The following NDC80 variants were observed in gnomAD, a reference collection of about 807,000 sequenced individuals.
The protein encoded by NDC80 is kinetochore protein NDC80 homolog.
A neutral mutation model predicts 89.3 loss-of-function variants in NDC80; 69 were observed. The observed-to-expected ratio is 0.77, with a 90% CI of 0.64 to 0.94. NDC80 has a LOEUF of 0.94. NDC80 is among the 40% of genes least tolerant of loss of function. NDC80 has a pLI of 0.00. For synonymous variants in NDC80, 243 were observed against 255.6 expected, an observed-to-expected ratio of 0.95 and a Z score of 0.47; for missense variants, 593 against 739.6, an observed-to-expected ratio of 0.80 and a Z score of 2.30.
intron 12 of NDC80, among the ~76,000 whole-genome samples, chr18:2,600,537 G>C (rs1237370694): frequency 6.6e-6 from 1 of 151,942 alleles, no homozygotes; most frequent in Non-Finnish European, 1.5e-5. Flanking sequence ...TGAACCCGGA[G>C]GCAGAGGTTG....
chr18:2,595,304 C>T, intron 10 of NDC80, 112 bp from the exon 11 acceptor site: 1 of 399,592 alleles, frequency 2.5e-6, no homozygotes, highest in Non-Finnish European at 4.6e-6. Context: ...AATATATATA[C>T]ACACATATAT....
chr18:2,612,210 G>T (rs1241686592), intron 16 of NDC80, among the ~76,000 whole-genome samples: 1 of 145,356 alleles, frequency 6.9e-6, no homozygotes, highest in South Asian at 2.2e-4. Context: ...TTCTTCATCT[G>T]TAAAAATGAA....
At chr18:2,591,899 T>G (rs1317230644) in intron 10 of NDC80, among the ~76,000 whole-genome samples, 3 of 151,862 alleles carry the variant, frequency 2.0e-5, no homozygotes, top group Non-Finnish European at 4.4e-5. Flanking sequence ...GGATTACAGG[T>G]GCACGCCACC....
At chr18:2,581,894 T>C (rs1033667581) in intron 6 of NDC80, among the ~76,000 whole-genome samples, 1 of 152,222 alleles carries the variant, frequency 6.6e-6, no homozygotes, top group Non-Finnish European at 1.5e-5. Context: ...CTTGTGATTT[T>C]GTTATTATTG....
Position 2,577,737 on chromosome 18 carries a change from T to C in NDC80, c.180-9T>C, listed in dbSNP as rs1473902677. 1 of 1,611,182 alleles carries C rather than the reference T, an allele frequency of 6.2e-7. No homozygotes were observed. Reference sequence around the variant, plus strand: ...AGTTTTAACTGGCTGTTTAAAAATATATTTCCAGAACTAGTGGACATGGAT... The same window carrying C: ...AGTTTTAACTGGCTGTTTAAAAATACATTTCCAGAACTAGTGGACATGGAT... On this transcript the variant is annotated splice_polypyrimidine_tract_variant and intron_variant, in intron 3 of 16. Transcript: ENST00000261597.
At chr18:2,578,729 A>T (rs572262344) in intron 5 of NDC80, among the ~76,000 whole-genome samples, 198 bp from the exon 6 acceptor site, 1 of 152,150 alleles carries the variant, frequency 6.6e-6, no homozygotes, top group African/African-American at 2.4e-5. Context: ...AGCTTCGGGG[A>T]TAGATGTACA....
intron 15 of NDC80, 27 bp downstream of exon 15, chr18:2,608,857 C>T (rs915182919): frequency 2.3e-5 from 36 of 1,566,396 alleles, no homozygotes; most frequent in Admixed American, 7.0e-5. Context: ...AAGATTTATA[C>T]GTTTATTTTC....
intron 9 of NDC80, 28 bp downstream of exon 9, chr18:2,589,338 T>A (rs763124155): frequency 3.3e-6 from 5 of 1,498,228 alleles, no homozygotes; most frequent in Non-Finnish European, 4.6e-6. Context: ...CACACTTACT[T>A]GAGAGCTCTT....
chr18:2,608,174 T>G (rs533400337), intron 14 of NDC80, among the ~76,000 whole-genome samples: 51 of 150,386 alleles, frequency 3.4e-4, no homozygotes, highest in African/African-American at 1.2e-3. Context: ...TATTTTAAAT[T>G]TTAATAAATA....
At chr18:2,603,822 A>C (rs9955172) in intron 13 of NDC80, among the ~76,000 whole-genome samples, 9,547 of 152,274 alleles carry the variant, frequency 0.063, 323 homozygotes, top group African/African-American at 0.08. Context: ...TTTGCTCTTC[A>C]AAAGACTCCA....
intron 12 of NDC80, among the ~76,000 whole-genome samples, chr18:2,599,479 G>A (rs1006043438): frequency 6.6e-6 from 1 of 152,126 alleles, no homozygotes; most frequent in Non-Finnish European, 1.5e-5. Flanking sequence ...GTCTTTACAA[G>A]TTATAGTGAA....
intron 11 of NDC80, among the ~76,000 whole-genome samples, chr18:2,597,550 G>T (rs1442382492): frequency 6.6e-6 from 1 of 152,098 alleles, no homozygotes; most frequent in South Asian, 2.1e-4. Context: ...GGCCAACATG[G>T]TGAAACCCCG....
intron 10 of NDC80, among the ~76,000 whole-genome samples, chr18:2,591,236 T>G (rs2072626143): frequency 2.0e-5 from 3 of 152,210 alleles, no homozygotes; most frequent in Admixed American, 2.0e-4. Flanking sequence ...CTTACTTTCA[T>G]AAACACAGCA....
intron 15 of NDC80, 148 bp from the exon 16 acceptor site, chr18:2,610,611 G>T: frequency 2.3e-6 from 1 of 443,718 alleles, no homozygotes; most frequent in Non-Finnish European, 4.1e-6. Flanking sequence ...ATTGATAGTG[G>T]GACCTCTACA....
At chr18:2,596,727 A>G (rs1364683219) in intron 11 of NDC80, among the ~76,000 whole-genome samples, 11 of 152,118 alleles carry the variant, frequency 7.2e-5, no homozygotes, top group African/African-American at 2.7e-4. Context: ...CCATGCACAC[A>G]TATGTTTATT....
chr18:2,614,564 GGAAAGAAAGAAAGAAAGAAA>G (rs1182756541), intron 16 of NDC80: 2 of 4,086 alleles, frequency 4.9e-4, no homozygotes, highest in Non-Finnish European at 9.1e-4. Context: ...AGGAAGGAAG[GGAAAGAAAGAAAGAAAGAAA>G]GAAAGAAAGA....
At chr18:2,605,310 GTGTGTGTGTGTGTGTGTGTA>G (rs2072705696) in intron 13 of NDC80, among the ~76,000 whole-genome samples, 1 of 147,934 alleles carries the variant, frequency 6.8e-6, no homozygotes, top group Non-Finnish European at 1.5e-5. Context: ...GTGTGTGTGT[GTGTGTGTGTGTGTGTGTGTA>G]TGTACACAAT....
chr18:2,597,047 G>T (rs1018675507), intron 11 of NDC80, among the ~76,000 whole-genome samples: 2 of 151,962 alleles, frequency 1.3e-5, no homozygotes, highest in African/African-American at 2.4e-5. Flanking sequence ...AGAGGGGAGG[G>T]ATAGCATTAG....
At chr18:2,573,376 C>G (rs113704040) in intron 2 of NDC80, among the ~76,000 whole-genome samples, 1 of 152,186 alleles carries the variant, frequency 6.6e-6, no homozygotes, top group East Asian at 1.9e-4. Flanking sequence ...CTCTTTTATT[C>G]TAGAGCTACT....
Sources: allele counts gnomAD v4.1 joint callset (sites outside exome capture counted in the v4.1 genomes callset), GRCh38; gene constraint gnomAD v4.1.1; transcripts MANE v1.5; gene names NCBI Gene and HGNC (gene_info 2026-07-23, HGNC 2026-07-21).